The following NOS1AP variants were observed in gnomAD, a reference collection of about 807,000 sequenced individuals.
NOS1AP encodes nitric oxide synthase 1 adaptor protein.
In NOS1AP, 21 loss-of-function variants were observed where a neutral mutation model predicts 56.2. That is an observed-to-expected ratio of 0.37 (90% CI 0.26 to 0.54). The LOEUF (loss-of-function observed/expected upper bound fraction) is 0.54, where lower values mean the gene tolerates loss of function less well. Among genes scored for constraint, NOS1AP ranks in the 20% least tolerant of loss-of-function variants. The pLI, the probability that NOS1AP is intolerant of heterozygous loss-of-function variation, is 0.84. For missense variants in NOS1AP, 522 were observed against 657.8 expected (o/e 0.79, Z 2.26); for synonymous variants, 270 against 274.6 (o/e 0.98, Z 0.17).
chr1:162,262,286 C>T (rs563239944), intron 2 of NOS1AP, among the ~76,000 whole-genome samples: 8 of 152,100 alleles, frequency 5.3e-5, no homozygotes, highest in Non-Finnish European at 1.2e-4. Flanking sequence ...AGAGAGATAA[C>T]AAATTAGTGG....
At chr1:162,123,737 C>T (rs1426270247) in intron 1 of NOS1AP, among the ~76,000 whole-genome samples, 1 of 152,194 alleles carries the variant, frequency 6.6e-6, no homozygotes, top group Non-Finnish European at 1.5e-5. Flanking sequence ...CTTCACCCCG[C>T]TTTCCCCAGT....
intron 1 of NOS1AP, among the ~76,000 whole-genome samples, chr1:162,112,687 G>A (rs1195359186): frequency 6.6e-6 from 1 of 152,126 alleles, no homozygotes; most frequent in East Asian, 1.9e-4. Context: ...ATAGATTATT[G>A]ATCAATTTTG....
intron 1 of NOS1AP, among the ~76,000 whole-genome samples, chr1:162,140,658 A>G (rs1277286234): frequency 6.6e-6 from 1 of 152,228 alleles, no homozygotes; most frequent in African/African-American, 2.4e-5. Context: ...CTTTGGGTAT[A>G]TAACCAGTAA....
intron 2 of NOS1AP, among the ~76,000 whole-genome samples, chr1:162,286,161 T>C (rs551451053): frequency 6.6e-6 from 1 of 152,322 alleles, no homozygotes; most frequent in East Asian, 1.9e-4. Flanking sequence ...TCTAATGAGA[T>C]TTCCAAAGTA....
In NOS1AP at chr1:162,283,512, G is replaced by A. The variant is rs541702749; in HGVS notation, c.178-3832G>A. On this transcript the variant is annotated intron_variant, in intron 2 of 9. Coordinates refer to ENST00000361897, the MANE Select transcript of NOS1AP (RefSeq NM_014697.3). ...GGGGTGTCAGGAGATGATTAGAAAT[G>A]AGGCTGCTGATCTGTCAGCAGCTTT... 1.2e-4 allele frequency among the ~76,000 whole-genome samples: 19 copies of A among 152,270 alleles called. No individual in the cohort carries two copies. In the South Asian group the frequency reaches 3.9e-3, roughly 32 times the overall value.
intron 2 of NOS1AP, among the ~76,000 whole-genome samples, chr1:162,272,980 A>G (rs1481491850): frequency 1.3e-5 from 2 of 152,054 alleles, no homozygotes; most frequent in Non-Finnish European, 2.9e-5. Context: ...ACTTGGTACC[A>G]TAGCAGCTGG....
intron 1 of NOS1AP, among the ~76,000 whole-genome samples, chr1:162,071,670 ATC>A (rs948222667): frequency 2.1e-4 from 32 of 152,180 alleles, no homozygotes; most frequent in African/African-American, 7.5e-4. Flanking sequence ...TAGTTCTCTC[ATC>A]TCTCAGAATA....
chr1:162,153,109 G>A (rs1313303679), intron 1 of NOS1AP, among the ~76,000 whole-genome samples: 1 of 152,156 alleles, frequency 6.6e-6, no homozygotes, highest in Non-Finnish European at 1.5e-5. Context: ...TATAAGCAAT[G>A]ATATCTAGAG....
chr1:162,295,347 T>C (rs562158835), intron 3 of NOS1AP, among the ~76,000 whole-genome samples: 17 of 152,198 alleles, frequency 1.1e-4, no homozygotes, highest in Non-Finnish European at 1.5e-5. Flanking sequence ...CAAGGATTTC[T>C]TTTTTTTAAA....
intron 5 of NOS1AP, among the ~76,000 whole-genome samples, chr1:162,338,072 T>C (rs1291355955): frequency 6.6e-6 from 1 of 152,218 alleles, no homozygotes. Context: ...TTCAGTTCTG[T>C]TTTTGTTGAG....
At chr1:162,090,150 A>AT (rs35508839) in intron 1 of NOS1AP, among the ~76,000 whole-genome samples, 93,212 of 150,034 alleles carry the variant, frequency 0.62, 29,190 homozygotes, top group Non-Finnish European at 0.67. Flanking sequence ...ATATTCCCTG[A>AT]TTTTTTTTTT....
At chr1:162,215,777 A>G (rs183578313) in intron 2 of NOS1AP, among the ~76,000 whole-genome samples, 87 of 152,342 alleles carry the variant, frequency 5.7e-4, no homozygotes, top group South Asian at 6.2e-4. Flanking sequence ...GACTGTTGTG[A>G]TGATGTCGAA....
intron 2 of NOS1AP, among the ~76,000 whole-genome samples, chr1:162,177,300 T>C (rs887908288): frequency 2.6e-5 from 4 of 152,182 alleles, no homozygotes; most frequent in African/African-American, 4.8e-5. Context: ...AAAGCAGTTT[T>C]CACGTGACTT....
chr1:162,076,020 C>T (rs1691760214), intron 1 of NOS1AP, among the ~76,000 whole-genome samples: 1 of 152,230 alleles, frequency 6.6e-6, no homozygotes, highest in Non-Finnish European at 1.5e-5. Context: ...CATGCAGCCA[C>T]ATCTAATGAT....
At chr1:162,212,921 A>G (rs115083960) in intron 2 of NOS1AP, among the ~76,000 whole-genome samples, 5,225 of 152,298 alleles carry the variant, frequency 0.034, 133 homozygotes, top group Middle Eastern at 0.054. Context: ...GTATGAGCCT[A>G]GAGACTGTTC....
chr1:162,271,434 A>G (rs1654581051), intron 2 of NOS1AP, among the ~76,000 whole-genome samples: 1 of 152,216 alleles, frequency 6.6e-6, no homozygotes. Context: ...GCACCAGCCG[A>G]GGCTAAATAG....
intron 1 of NOS1AP, among the ~76,000 whole-genome samples, chr1:162,133,535 A>C (rs1648847464): frequency 6.6e-6 from 1 of 152,212 alleles, no homozygotes; most frequent in Admixed American, 6.5e-5. Flanking sequence ...TTTCCTTTTT[A>C]TAATCTGGCA....
At chr1:162,344,105 T>A in intron 6 of NOS1AP, 129 bp downstream of exon 6, 1 of 1,008,210 alleles carries the variant, frequency 9.9e-7, no homozygotes, top group Non-Finnish European at 1.5e-6. Flanking sequence ...CGTTTCTCTC[T>A]AAATTCTAGA....
At chr1:162,151,526 G>A (rs1649705537) in intron 1 of NOS1AP, among the ~76,000 whole-genome samples, 1 of 152,062 alleles carries the variant, frequency 6.6e-6, no homozygotes, top group African/African-American at 2.4e-5. Context: ...ATAAATTTTA[G>A]GATTGTTTTT....
Sources: allele counts gnomAD v4.1 joint callset (sites outside exome capture counted in the v4.1 genomes callset), GRCh38; gene constraint gnomAD v4.1.1; transcripts MANE v1.5; gene names NCBI Gene and HGNC (gene_info 2026-07-23, HGNC 2026-07-21).